Variants in PAPOLA observed in about 807,000 individuals in gnomAD.
PAPOLA encodes the protein polynucleotide adenylyltransferase alpha.
Under a neutral mutation model 100.6 loss-of-function variants are expected in PAPOLA, and 15 were observed. The observed-to-expected ratio is 0.15, with a 90% CI of 0.10 to 0.23. The LOEUF (loss-of-function observed/expected upper bound fraction) is 0.23, where lower values mean the gene tolerates loss of function less well. Among genes scored for constraint, PAPOLA ranks in the 10% least tolerant of loss-of-function variants. The pLI is 1.00. For missense variants in PAPOLA, 533 were observed against 884.2 expected (o/e 0.60, Z 5.04); for synonymous variants, 293 against 300.0 (o/e 0.98, Z 0.24).
At chr14:96,558,769 A>G (rs1460043118) in intron 19 of PAPOLA, among the ~76,000 whole-genome samples, 3 of 152,152 alleles carry the variant, frequency 2.0e-5, no homozygotes, top group African/African-American at 7.2e-5. Context: ...CTTAAAAATC[A>G]TATCTAAGAA....
At chr14:96,509,378 A>T (rs1896948511) in intron 1 of PAPOLA, among the ~76,000 whole-genome samples, 1 of 152,088 alleles carries the variant, frequency 6.6e-6, no homozygotes, top group Admixed American at 6.5e-5. Flanking sequence ...TTTCAAGCTC[A>T]ATTTTTTTTG....
chr14:96,536,369 A>T (rs530468902), intron 11 of PAPOLA, among the ~76,000 whole-genome samples: 60 of 152,166 alleles, frequency 3.9e-4, no homozygotes, highest in Non-Finnish European at 8.0e-4. Flanking sequence ...AAACCACCCA[A>T]TTACATTCCA....
intron 9 of PAPOLA, 46 bp from the exon 10 acceptor site, chr14:96,534,445 G>T: frequency 6.3e-7 from 1 of 1,598,424 alleles, no homozygotes; most frequent in South Asian, 1.1e-5. Flanking sequence ...ACGTTTAGAT[G>T]GTAATATCCA....
At chr14:96,516,853 T>C (rs1327825263) in intron 1 of PAPOLA, among the ~76,000 whole-genome samples, 1 of 152,248 alleles carries the variant, frequency 6.6e-6, no homozygotes, top group Non-Finnish European at 1.5e-5. Flanking sequence ...TCAGGGCCTG[T>C]ATTCTAATGT....
intron 4 of PAPOLA, chr14:96,526,883 A>G (rs1898533709): frequency 6.6e-6 from 1 of 152,452 alleles, no homozygotes; most frequent in Non-Finnish European, 1.5e-5. Context: ...TATGACCCCA[A>G]TTGATTTTAA....
At chr14:96,537,125 A>T in intron 12 of PAPOLA, 65 bp downstream of exon 12, 1 of 884,726 alleles carries the variant, frequency 1.1e-6, no homozygotes, top group Non-Finnish European at 1.9e-6. Flanking sequence ...GTAGCACATT[A>T]TGACATTTCT....
At chr14:96,509,546 C>T (rs1488698700) in intron 1 of PAPOLA, among the ~76,000 whole-genome samples, 3 of 152,104 alleles carry the variant, frequency 2.0e-5, no homozygotes. Context: ...TGGATATATT[C>T]TGTAAAAATG....
rs76723746 is a variant in PAPOLA, at chr14:96,544,128, T to C, written c.1290-21T>C. 2.4e-3 allele frequency: 3,017 copies of C among 1,249,534 alleles called. 59 individuals are homozygous for C. The African/African-American group carries it at 0.037, about 15-fold the overall frequency. The allele number at this position is 1,249,534 out of a possible 1,614,324, so 77.4% of individuals were successfully genotyped here. On this transcript the variant is annotated intron_variant, in intron 14 of 21. Transcript: ENST00000216277. The stretch of plus-strand genomic sequence containing the variant: ...ATTTTCATGAAATCCAGATAAACTA[T>C]GGTAATGCTCTTCTTTGCAGGGAAG...
chr14:96,544,727 G>A (rs1466895231), intron 15 of PAPOLA, among the ~76,000 whole-genome samples: 2 of 152,004 alleles, frequency 1.3e-5, no homozygotes, highest in Admixed American at 6.6e-5. Flanking sequence ...TGAGAAATGG[G>A]AAACAACTTG....
Position 96,502,486 on chromosome 14 carries a change from G to T in PAPOLA, c.-107G>T, listed in dbSNP as rs904601930. 1.2e-6 allele frequency: 1 copy of T among 852,932 alleles called. No individual in the cohort carries two copies. Among genetic ancestry groups the T allele is most frequent in the Non-Finnish European group, 1.9e-6 (1 of 531,804 alleles). The allele number at this position is 852,932 out of a possible 1,614,324, so 52.8% of individuals were successfully genotyped here. ...GTGCGGGAGAGGGGTTGGACCCAGGGCTGAGGCAGGCCCCCCCCTCCCTCC... is the reference window on the plus strand; with the variant it reads ...GTGCGGGAGAGGGGTTGGACCCAGGTCTGAGGCAGGCCCCCCCCTCCCTCC... On this transcript the variant is annotated 5_prime_UTR_variant, in exon 1 of 22. Transcript: ENST00000216277.
In PAPOLA at chr14:96,547,338, A is replaced by G. The variant is rs554873901; in HGVS notation, c.1400-459A>G. Among the ~76,000 whole-genome samples, 13 of 152,280 alleles carry G rather than the reference A, an allele frequency of 8.5e-5. 1 individual carries two copies. In the South Asian group the frequency reaches 2.7e-3, roughly 32 times the overall value. On this transcript the variant is annotated intron_variant, in intron 15 of 21. Transcript: ENST00000216277. Reference sequence around the variant, plus strand: ...TTAAATTATTACTATATTAGAAAGTATGTCATTAGTTAGTTTTATCTTGCA... The same window carrying G: ...TTAAATTATTACTATATTAGAAAGTGTGTCATTAGTTAGTTTTATCTTGCA...
chr14:96,539,508 A>G (rs762867309), intron 12 of PAPOLA, among the ~76,000 whole-genome samples: 8 of 152,152 alleles, frequency 5.3e-5, no homozygotes, highest in Non-Finnish European at 8.8e-5. Flanking sequence ...GGCACTTTGC[A>G]TAAATTCTAA....
In PAPOLA at chr14:96,552,578, T is replaced by C; in HGVS notation, c.1620T>C (p.Ser540=). Residue 540 remains serine (S), a synonymous_variant, in exon 17 of 22, where the codon AGT becomes AGC. Transcript: ENST00000216277. Reference sequence around the variant, plus strand: ...GCATGTCTGTGCCTTCACCTACTAGTGCTACGAAGACCAGTCCATTGAACA... The same window carrying C: ...GCATGTCTGTGCCTTCACCTACTAGCGCTACGAAGACCAGTCCATTGAACA... The part of the protein sequence containing the change: ...DNSMSVPSPT[S]ATKTSPLNSS... 1.2e-6 allele frequency: 2 copies of C among 1,614,130 alleles called. No homozygotes were observed. The highest frequency in any genetic ancestry group is 1.7e-6 in the Non-Finnish European group (2 of 1,179,966).
rs1595540938 is a variant in PAPOLA at position 96,542,476 on chromosome 14, A to T, written c.1169+180A>T. 5.4e-6 allele frequency: 3 copies of T among 558,418 alleles called. No homozygotes were observed. The Admixed American group carries it at 1.1e-4, about 20-fold the overall frequency. 34.6% of individuals were successfully genotyped at this position (558,418 alleles called of 1,614,324 possible). On this transcript the variant is annotated intron_variant, in intron 13 of 21. Transcript: ENST00000216277. ...AAATCAGGAGATCCATATGCAACTT[A>T]TTTTTTTGTTTGCTTTATGGAGATC...
intron 1 of PAPOLA, among the ~76,000 whole-genome samples, chr14:96,513,519 T>C (rs1897242693): frequency 6.6e-6 from 1 of 152,246 alleles, no homozygotes; most frequent in Non-Finnish European, 1.5e-5. Flanking sequence ...AGACAAACTT[T>C]TAAAATTGGT....
At chr14:96,525,212 T>C in intron 3 of PAPOLA, 98 bp from the exon 4 acceptor site, 1 of 666,308 alleles carries the variant, frequency 1.5e-6, no homozygotes, top group Non-Finnish European at 2.7e-6. Context: ...ATTTACACTG[T>C]AATCTTTCTT....
intron 6 of PAPOLA, among the ~76,000 whole-genome samples, chr14:96,530,891 C>T (rs766712925): frequency 7.3e-5 from 11 of 150,954 alleles, no homozygotes; most frequent in East Asian, 2.0e-4. Flanking sequence ...TTTGACTTAC[C>T]GCAACCTCCG....
chr14:96,513,356 G>A (rs956425288), intron 1 of PAPOLA, among the ~76,000 whole-genome samples: 2 of 152,062 alleles, frequency 1.3e-5, no homozygotes, highest in African/African-American at 4.8e-5. Flanking sequence ...GGTCTGAGCC[G>A]CTGCACCAGG....
In PAPOLA at chr14:96,556,252, G is replaced by A; in HGVS notation, c.1843G>A (p.Val615Ile). 6.2e-7 allele frequency: 1 copy of A among 1,614,024 alleles called. No individual in the cohort carries two copies. Among genetic ancestry groups the A allele is most frequent in the Non-Finnish European group, 8.5e-7 (1 of 1,180,012 alleles). ...SPPPKPTVSR[V>I]VSSTRLVNPP... is the part of the protein sequence containing the mutation. The stretch of plus-strand genomic sequence containing the variant: ...ACCACCAAAGCCTACGGTCTCCAGA[G>A]TTGTTTCTTCAACACGTCTGGTAAA... Residue 615 changes from valine to isoleucine, a missense_variant, in exon 19 of 22, where the codon GTT (valine) becomes ATT (isoleucine). By Grantham distance (29) the Val-to-Ile change is conservative. This residue lies in a region of PAPOLA where 242 missense variants were observed against 281.0 expected (regional missense o/e 0.86). Transcript: ENST00000216277.
Sources: gnomAD v4.1 joint callset for allele counts (sites outside exome capture counted in the v4.1 genomes callset) on GRCh38, gnomAD v4.1.1 for gene constraint, gnomAD v4.1.1 regional missense constraint, MANE v1.5 for transcripts, NCBI Gene and HGNC (gene_info 2026-07-23, HGNC 2026-07-21) for gene names.